Variants in EGR4 observed in about 807,000 individuals in gnomAD.
The protein encoded by EGR4 is early growth response 4.
Under a neutral mutation model 25.4 loss-of-function variants are expected in EGR4, and 22 were observed. The ratio of observed to expected loss-of-function variants is 0.87; its 90% CI spans 0.62 to 1.24. The LOEUF is 1.24. Ranked by LOEUF, EGR4 falls within the 50% of genes most tolerant of loss-of-function variation. EGR4 has a pLI of 0.00. For missense variants in EGR4, 742 were observed against 702.9 expected, an observed-to-expected ratio of 1.06 and a Z score of -0.63; for synonymous variants, 375 against 320.1, an observed-to-expected ratio of 1.17 and a Z score of -1.83.
Position 73,293,236 on chromosome 2 carries a change from C to A in EGR4, c.82G>T (p.Glu28Ter). Residue 28 changes from glutamate (E) to a stop codon, truncating the protein, a stop_gained, in exon 1 of 2, where the codon GAA (glutamate) becomes TAA (stop). Coordinates refer to ENST00000436467, the MANE Select transcript of EGR4 (RefSeq NM_001965.4). LOFTEE classifies it high-confidence loss of function. ...TCCCTGGCAGGCAGCCGGGGCAATT[C>A]AGCGCTGGGTTCGGCGCAACAGCCT... is the stretch of plus-strand genomic sequence containing the variant. The part of the protein sequence containing the change: ...TEGCCAEPSA[E>*]LPRLPARDAP... The A allele has an allele frequency of 6.4e-7, 1 of 1,572,434 alleles. No individual in the cohort carries two copies.
intron 1 of EGR4, 54 bp from the exon 2 acceptor site, chr2:73,292,835 C>T: frequency 4.4e-6 from 6 of 1,363,352 alleles, no homozygotes; most frequent in Non-Finnish European, 5.7e-6. Context: ...CACCTGAGTC[C>T]ACAGCCCCTA....
At position 73,291,346 on chromosome 2, in the gene EGR4, G is replaced by A; in HGVS notation, c.*111C>T. Reference sequence around the variant, plus strand: ...CAAGGAAACTGGAAGCGGGACCGGAGGCCGGCCCTCGGGCGTGCGAGGAGG... The same window carrying A: ...CAAGGAAACTGGAAGCGGGACCGGAAGCCGGCCCTCGGGCGTGCGAGGAGG... On this transcript the variant is annotated 3_prime_UTR_variant, in exon 2 of 2. Coordinates refer to ENST00000436467, the MANE Select transcript of EGR4 (RefSeq NM_001965.4). 1 of 1,451,624 alleles carries A rather than the reference G, an allele frequency of 6.9e-7. No individual in the cohort carries two copies. 89.9% of individuals were successfully genotyped at this position (1,451,624 alleles called of 1,614,324 possible). A position where few individuals can be genotyped will look rare whatever the true frequency, so the allele number is the denominator to read the frequency against.
Position 73,291,657 on chromosome 2 carries a change from G to T in EGR4, c.1261C>A (p.Arg421Ser), listed in dbSNP as rs1360727213. The change falls in exon 2 of 2, where the codon CGC becomes AGC. Residue 421 changes from arginine to serine, a missense_variant. Arg to Ser is a moderately radical substitution (Grantham distance 110). Coordinates refer to ENST00000436467, the MANE Select transcript of EGR4 (RefSeq NM_001965.4). Reference protein sequence around the residue: ...QCRICLRNFSRSDHLTTHVRT... With the variant: ...QCRICLRNFSSSDHLTTHVRT... ...ACGTGCGTGGTGAGGTGGTCGCTGC[G>T]GCTGAAGTTGCGGAGGCAGATGCGG... is the stretch of plus-strand genomic sequence containing the variant. The T allele has an allele frequency of 1.2e-6, 2 of 1,611,882 alleles. No individual in the cohort carries two copies. The highest frequency in any genetic ancestry group is 1.3e-5 in the African/African-American group (1 of 75,056).
At position 73,291,332 on chromosome 2, in the gene EGR4, G is replaced by C; in HGVS notation, c.*125C>G. On this transcript the variant is annotated 3_prime_UTR_variant, in exon 2 of 2. Coordinates refer to ENST00000436467, the MANE Select transcript of EGR4 (RefSeq NM_001965.4). Reference sequence around the variant, plus strand: ...TGCGGCGGGCGCTTCAAGGAAACTGGAAGCGGGACCGGAGGCCGGCCCTCG... The same window carrying C: ...TGCGGCGGGCGCTTCAAGGAAACTGCAAGCGGGACCGGAGGCCGGCCCTCG... The C allele has an allele frequency of 7.2e-7, 1 of 1,387,212 alleles. No individual in the cohort carries two copies. The highest frequency in any genetic ancestry group is 9.7e-7 in the Non-Finnish European group (1 of 1,034,560). 85.9% of individuals were successfully genotyped at this position (1,387,212 alleles called of 1,614,324 possible).
Position 73,291,730 on chromosome 2 carries a change from C to T in EGR4, c.1188G>A (p.Glu396=). Residue 396 remains glutamate, a synonymous_variant, in exon 2 of 2, where the codon GAG becomes GAA. Coordinates refer to ENST00000436467, the MANE Select transcript of EGR4 (RefSeq NM_001965.4). Reference sequence around the variant, plus strand: ...TGTGGATGCGCAGGTGGCGATTGAGCTCGTCGGAGCGCGCAAAGCTCCGCA... The same window carrying T: ...TGTGGATGCGCAGGTGGCGATTGAGTTCGTCGGAGCGCGCAAAGCTCCGCA... ...SCVRSFARSD[E]LNRHLRIHTG... The T allele has an allele frequency of 1.2e-6, 2 of 1,603,856 alleles. No individual in the cohort carries two copies. Among genetic ancestry groups the T allele is most frequent in the East Asian group, 2.2e-5 (1 of 44,844 alleles).
rs533954745 is a variant in EGR4, at chr2:73,293,187, G to C, written c.131C>G (p.Pro44Arg). Reference protein sequence around the residue: ...ARDAPAATGYPGAGDFLSWAL... With the variant: ...ARDAPAATGYRGAGDFLSWAL... Reference sequence around the variant, plus strand: ...CCCCTGCTCGCCCTCCTTACCTCCAGGGTAGCCGGTGGCCGCGGGAGCGTC... The same window carrying C: ...CCCCTGCTCGCCCTCCTTACCTCCACGGTAGCCGGTGGCCGCGGGAGCGTC... Residue 44 changes from proline to arginine, a missense_variant, in exon 1 of 2, where the codon CCT (proline) becomes CGT (arginine). By Grantham distance (103) the Pro-to-Arg change is moderately radical. Coordinates refer to ENST00000436467, the MANE Select transcript of EGR4 (RefSeq NM_001965.4). 81 of 1,532,046 alleles carry C rather than the reference G, an allele frequency of 5.3e-5. No individual in the cohort carries two copies. The South Asian group carries it at 7.0e-4, about 13-fold the overall frequency. The allele number at this position is 1,532,046 out of a possible 1,614,324, so 94.9% of individuals were successfully genotyped here. A position where few individuals can be genotyped will look rare whatever the true frequency, so the allele number is the denominator to read the frequency against.
At chr2:73,292,927 A>C in intron 1 of EGR4, 146 bp from the exon 2 acceptor site, 1 of 1,081,768 alleles carries the variant, frequency 9.2e-7, no homozygotes, top group Non-Finnish European at 1.2e-6. Context: ...CATACGTCCC[A>C]AGGAGCACAT....
chr2:73,292,681 G>A lies in EGR4; in HGVS notation c.237C>T (p.Gly79=), dbSNP rs147539604. Residue 79 remains glycine, a synonymous_variant, in exon 2 of 2, where the codon GGC becomes GGT. Transcript: ENST00000436467. ...LEGPAPTPPP[G]LSYSGSFFIQ... ...TGAAGAAGCTACCGCTGTAGCTGAG[G>A]CCGGGAGGGGGTGTGGGCGCAGGCC... 7.2e-6 allele frequency: 11 copies of A among 1,537,576 alleles called. No homozygotes were observed. The African/African-American group carries it at 1.5e-4, about 21-fold the overall frequency.
chr2:73,291,785 T>C lies in EGR4; in HGVS notation c.1133A>G (p.Lys378Arg), dbSNP rs1485477428. The C allele has an allele frequency of 1.3e-6, 2 of 1,598,200 alleles. No individual in the cohort carries two copies. Among genetic ancestry groups the C allele is most frequent in the East Asian group, 2.2e-5 (1 of 44,686 alleles). Reference sequence around the variant, plus strand: ...ACTCTCCACCGGGCAAGCGAAGGCCTTGGCGTGCGGCCGCGGGCAGAAGCA... The same window carrying C: ...ACTCTCCACCGGGCAAGCGAAGGCCCTGGCGTGCGGCCGCGGGCAGAAGCA... ...TRCFCPRPHA[K>R]AFACPVESCV... is the part of the protein sequence containing the mutation. The change falls in exon 2 of 2, where the codon AAG (lysine) becomes AGG (arginine). Residue 378 changes from lysine (K) to arginine (R), a missense_variant. Transcript: ENST00000436467.
chr2:73,291,363 G>A lies in EGR4; in HGVS notation c.*94C>T, dbSNP rs1353016685. On this transcript the variant is annotated 3_prime_UTR_variant, in exon 2 of 2. Transcript: ENST00000436467. Reference sequence around the variant, plus strand: ...GGACCGGAGGCCGGCCCTCGGGCGTGCGAGGAGGAGTTGGAAGAAGAGCGG... The same window carrying A: ...GGACCGGAGGCCGGCCCTCGGGCGTACGAGGAGGAGTTGGAAGAAGAGCGG... The A allele has an allele frequency of 2.0e-6, 3 of 1,492,084 alleles. No individual in the cohort carries two copies. Among genetic ancestry groups the A allele is most frequent in the Admixed American group, 2.3e-5 (1 of 43,612 alleles). The allele number at this position is 1,492,084 out of a possible 1,614,324, so 92.4% of individuals were successfully genotyped here.
intron 1 of EGR4, 23 bp downstream of exon 1, chr2:73,293,159 G>T: frequency 6.9e-7 from 1 of 1,451,244 alleles, no homozygotes; most frequent in South Asian, 1.4e-5. Flanking sequence ...CGTCGTCTGA[G>T]CACCCCTGCT....
chr2:73,293,165 C>T lies in EGR4; in HGVS notation c.136+17G>A. The T allele has an allele frequency of 6.7e-7, 1 of 1,483,622 alleles. No homozygotes were observed. Among genetic ancestry groups the T allele is most frequent in the African/African-American group, 1.4e-5 (1 of 69,356 alleles). 91.9% of individuals were successfully genotyped at this position (1,483,622 alleles called of 1,614,324 possible). A position where few individuals can be genotyped will look rare whatever the true frequency, so the allele number is the denominator to read the frequency against. ...CTGCGCCGTCGTCGTCTGAGCACCC[C>T]TGCTCGCCCTCCTTACCTCCAGGGT... On this transcript the variant is annotated intron_variant, in intron 1 of 1. Coordinates refer to ENST00000436467, the MANE Select transcript of EGR4 (RefSeq NM_001965.4).
At position 73,293,507 on chromosome 2, in the gene EGR4, T is replaced by TCGGG. The variant is rs1689156008; in HGVS notation, c.-194_-191dup. On this transcript the variant is annotated 5_prime_UTR_variant, in exon 1 of 2. Coordinates refer to ENST00000436467, the MANE Select transcript of EGR4 (RefSeq NM_001965.4). ...GCGCCCTCGCTCGCCCGCACCGGCC[T>TCGGG]CGGGCGGCGGCTCCTCGCCTCTCCA... 9.0e-6 allele frequency: 13 copies of TCGGG among 1,447,364 alleles called. No homozygotes were observed. Among genetic ancestry groups the TCGGG allele is most frequent in the Non-Finnish European group, 1.1e-5 (12 of 1,091,546 alleles). 89.7% of individuals were successfully genotyped at this position (1,447,364 alleles called of 1,614,324 possible). A position where few individuals can be genotyped will look rare whatever the true frequency, so the allele number is the denominator to read the frequency against.
rs1451034338 is a variant in EGR4, at chr2:73,293,473, G to T, written c.-156C>A. ...CACTCACCTCTGGGAAAGGAGTCGG[G>T]GAGCCGCGGCGCCCTCGCTCGCCCG... On this transcript the variant is annotated 5_prime_UTR_variant, in exon 1 of 2. Coordinates refer to ENST00000436467, the MANE Select transcript of EGR4 (RefSeq NM_001965.4). The T allele has an allele frequency of 6.6e-7, 1 of 1,511,102 alleles. No individual in the cohort carries two copies. The allele number at this position is 1,511,102 out of a possible 1,614,324, so 93.6% of individuals were successfully genotyped here.
At position 73,291,851 on chromosome 2, in the gene EGR4, G is replaced by C. The variant is rs755627526; in HGVS notation, c.1067C>G (p.Ala356Gly). Residue 356 changes from alanine to glycine, a missense_variant, in exon 2 of 2, where the codon GCG becomes GGG. Transcript: ENST00000436467. ...PPPTPFPQAKARRKGRRGGKC... is the reference protein window; with the variant it reads ...PPPTPFPQAKGRRKGRRGGKC... ...GCCGCCGCGGCGCCCCTTGCGTCGC[G>C]CCTTGGCCTGGGGGAAAGGGGTGGG... The C allele has an allele frequency of 3.8e-6, 6 of 1,579,466 alleles. No individual in the cohort carries two copies. The highest frequency in any genetic ancestry group is 5.1e-6 in the Non-Finnish European group (6 of 1,168,498).
Position 73,292,500 on chromosome 2 carries a change from C to A in EGR4, c.418G>T (p.Gly140Cys). Residue 140 changes from glycine (G) to cysteine (C), a missense_variant, in exon 2 of 2, where the codon GGT becomes TGT. Gly to Cys is a radical substitution (Grantham distance 159). Coordinates refer to ENST00000436467, the MANE Select transcript of EGR4 (RefSeq NM_001965.4). ...TCCGGGGAGTAAAGGTCCGGCGGACCCGGCAGCAAGGCATCGGACCCCGCA... is the reference window on the plus strand; with the variant it reads ...TCCGGGGAGTAAAGGTCCGGCGGACACGGCAGCAAGGCATCGGACCCCGCA... ...FPAGSDALLPGPPDLYSPDLG... is the reference protein window; with the variant it reads ...FPAGSDALLPCPPDLYSPDLG... 1 of 1,516,394 alleles carries A rather than the reference C, an allele frequency of 6.6e-7. No individual in the cohort carries two copies. Among genetic ancestry groups the A allele is most frequent in the South Asian group, 1.3e-5 (1 of 74,716 alleles). The allele number at this position is 1,516,394 out of a possible 1,614,324, so 93.9% of individuals were successfully genotyped here.
Position 73,293,295 on chromosome 2 carries a change from G to A in EGR4, c.23C>T (p.Ser8Phe). The change falls in exon 1 of 2, where the codon TCC becomes TTC. Residue 8 changes from serine to phenylalanine, a missense_variant. Coordinates refer to ENST00000436467, the MANE Select transcript of EGR4 (RefSeq NM_001965.4). Reference protein sequence around the residue: MLHLSEFSEPDALLVKST... With the variant: MLHLSEFFEPDALLVKST... The stretch of plus-strand genomic sequence containing the variant: ...CTTGACGAGGAGCGCGTCGGGTTCG[G>A]AAAACTCGCTAAGGTGGAGCATGGC... 1 of 1,589,716 alleles carries A rather than the reference G, an allele frequency of 6.3e-7. No homozygotes were observed. The highest frequency in any genetic ancestry group is 8.5e-7 in the Non-Finnish European group (1 of 1,170,496).
Position 73,292,783 on chromosome 2 carries a change from TGAG to T in EGR4, c.137-5_137-3del. 1 of 1,443,532 alleles carries T rather than the reference TGAG, an allele frequency of 6.9e-7. No homozygotes were observed. Among genetic ancestry groups the T allele is most frequent in the Non-Finnish European group, 9.1e-7 (1 of 1,095,790 alleles). 89.4% of individuals were successfully genotyped at this position (1,443,532 alleles called of 1,614,324 possible). A position where few individuals can be genotyped will look rare whatever the true frequency, so the allele number is the denominator to read the frequency against. On this transcript the variant is annotated splice_region_variant and splice_polypyrimidine_tract_variant and intron_variant, in intron 1 of 1. Coordinates refer to ENST00000436467, the MANE Select transcript of EGR4 (RefSeq NM_001965.4). Reference sequence around the variant, plus strand: ...AAGCCCAGCTCAAGAAGTCGCCTGCTGAGGAGGGAGCAGGAATCAGCTCTGGGC... The same window carrying T: ...AAGCCCAGCTCAAGAAGTCGCCTGCTGAGGGAGCAGGAATCAGCTCTGGGC...
In EGR4 at chr2:73,293,343, CG is replaced by C; in HGVS notation, c.-27del. The C allele has an allele frequency of 1.3e-6, 2 of 1,547,562 alleles. No homozygotes were observed. Among genetic ancestry groups the C allele is most frequent in the Admixed American group, 2.0e-5 (1 of 49,440 alleles). ...GGCGCGGCGCCGGCTGTGGGGCGCC[CG>C]GGGCCTCGCCCGCTGGGCTTGGGGG... On this transcript the variant is annotated 5_prime_UTR_variant, in exon 1 of 2. Transcript: ENST00000436467.
Sources: gnomAD v4.1 joint callset for allele counts on GRCh38, gnomAD v4.1.1 for gene constraint, MANE v1.5 for transcripts, NCBI Gene and HGNC (gene_info 2026-07-23, HGNC 2026-07-21) for gene names.